The following ATXN10 variants were observed in gnomAD, a reference collection of about 807,000 sequenced individuals.
ATXN10 encodes the protein ataxin 10.
A neutral mutation model predicts 52.9 loss-of-function variants in ATXN10; 28 were observed. That is an observed-to-expected ratio of 0.53 (90% CI 0.39 to 0.73). The LOEUF (loss-of-function observed/expected upper bound fraction) is 0.73. ATXN10 is among the 30% of genes least tolerant of loss of function. ATXN10 has a pLI of 0.00. For missense variants in ATXN10, 565 were observed against 577.0 expected (o/e 0.98, Z 0.21); for synonymous variants, 226 against 221.5 (o/e 1.02, Z -0.18).
rs1405105617 is a variant in ATXN10 at position 45,835,660 on chromosome 22, A to G, written c.1238-7331A>G. On this transcript the variant is annotated intron_variant, in intron 10 of 11. Coordinates refer to ENST00000252934, the MANE Select transcript of ATXN10 (RefSeq NM_013236.4). The surrounding 1 kb of genome is among the most constrained non-coding windows in gnomAD (Gnocchi z 5.0). ...CTATGTACCACTTCCCTTACGGCCT[A>G]GAAGCCGATTAGCAGCCTCAGCTTT... is the stretch of plus-strand genomic sequence containing the variant. 6.6e-6 allele frequency among the ~76,000 whole-genome samples: 1 copy of G among 152,256 alleles called. No individual in the cohort carries two copies. Among genetic ancestry groups the G allele is most frequent in the Admixed American group, 6.5e-5 (1 of 15,290 alleles).
At position 45,743,091 on chromosome 22, in the gene ATXN10, G is replaced by A. The variant is rs2146806203; in HGVS notation, c.1173+2553G>A. Reference sequence around the variant, plus strand: ...ATAAGTAAATATGGAGTGTGCCCAAGTGCTGCTGTGCAGAGGTCACTGGGG... The same window carrying A: ...ATAAGTAAATATGGAGTGTGCCCAAATGCTGCTGTGCAGAGGTCACTGGGG... On this transcript the variant is annotated intron_variant, in intron 9 of 11. Transcript: ENST00000252934. Among the ~76,000 whole-genome samples, 2 of 152,360 alleles carry A rather than the reference G, an allele frequency of 1.3e-5. 1 individual carries two copies. The highest frequency in any genetic ancestry group is 4.1e-4 in the South Asian group (2 of 4,830).
At chr22:45,800,479 C>T (rs1927895386) in intron 9 of ATXN10, among the ~76,000 whole-genome samples, 2 of 151,476 alleles carry the variant, frequency 1.3e-5, no homozygotes, top group South Asian at 2.1e-4. Flanking sequence ...AGAGTAACTC[C>T]AATACATTGT....
rs766581509 is a variant in ATXN10, at chr22:45,677,614, T to G, written c.116+5435T>G. The G allele has an allele frequency of 1.1e-3, 161 of 151,920 alleles. No individual in the cohort carries two copies. The highest frequency in any genetic ancestry group is 2.0e-3 in the Non-Finnish European group (137 of 67,962). The allele number at this position is 151,920 out of a possible 1,614,324, so 9.4% of individuals were successfully genotyped here. A position where few individuals can be genotyped will look rare whatever the true frequency, so the allele number is the denominator to read the frequency against. On this transcript the variant is annotated intron_variant, in intron 1 of 11. Coordinates refer to ENST00000252934, the MANE Select transcript of ATXN10 (RefSeq NM_013236.4). This position sits in a 1 kb window ranked among gnomAD's most constrained non-coding sequence, Gnocchi z 4.1. ...TCAGAATATATGAAGTACTCCTACC[T>G]ACAACTCAATAAAAAAGACTCCTAC...
intron 9 of ATXN10, among the ~76,000 whole-genome samples, chr22:45,779,868 G>A (rs1927085405): frequency 6.6e-6 from 1 of 151,886 alleles, no homozygotes; most frequent in South Asian, 2.1e-4. Context: ...CATTCTTCTG[G>A]GGCTTTCATT....
chr22:45,839,489 C>T (rs1569084862), intron 10 of ATXN10, among the ~76,000 whole-genome samples: 1 of 152,222 alleles, frequency 6.6e-6, no homozygotes, highest in Non-Finnish European at 1.5e-5. Flanking sequence ...AGACACCTGG[C>T]AGCCCTTCAT....
intron 9 of ATXN10, among the ~76,000 whole-genome samples, chr22:45,791,136 A>G (rs1927494752): frequency 6.6e-6 from 1 of 152,140 alleles, no homozygotes; most frequent in Non-Finnish European, 1.5e-5. Context: ...TCTTACTCCA[A>G]AAAACATTAC....
intron 5 of ATXN10, among the ~76,000 whole-genome samples, chr22:45,716,099 AAAAAAT>A (rs1452299651): frequency 6.6e-6 from 1 of 152,084 alleles, no homozygotes; most frequent in East Asian, 1.9e-4. Flanking sequence ...GTCTCTGCCA[AAAAAAT>A]AAAAATAAAA....
intron 7 of ATXN10, among the ~76,000 whole-genome samples, chr22:45,737,891 CG>C (rs1925362249): frequency 6.6e-6 from 1 of 151,670 alleles, no homozygotes; most frequent in Non-Finnish European, 1.5e-5. Context: ...TTACTAGAGA[CG>C]GGATTTCACC....
chr22:45,742,809 C>T (rs1186515872), intron 9 of ATXN10, among the ~76,000 whole-genome samples: 7 of 146,562 alleles, frequency 4.8e-5, no homozygotes, highest in Non-Finnish European at 6.0e-5. Context: ...CAATCCTCAT[C>T]TTCAGGAGAG....
chr22:45,795,299 A>T lies in ATXN10; in HGVS notation c.1174-11660A>T, dbSNP rs917838313. ...CAGAATGATAAACTCAATCATGTTG[A>T]TAAATATATTAAATGTAAATGGCTT... On this transcript the variant is annotated intron_variant, in intron 9 of 11. Coordinates refer to ENST00000252934, the MANE Select transcript of ATXN10 (RefSeq NM_013236.4). This position sits in a 1 kb window ranked among gnomAD's most constrained non-coding sequence, Gnocchi z 4.6. Among the ~76,000 whole-genome samples, 3 of 152,234 alleles carry T rather than the reference A, an allele frequency of 2.0e-5. No individual in the cohort carries two copies. Among genetic ancestry groups the T allele is most frequent in the Admixed American group, 1.3e-4 (2 of 15,284 alleles).
In ATXN10 at chr22:45,820,638, G is replaced by A. The variant is rs554450979; in HGVS notation, c.1237+13616G>A. Among the ~76,000 whole-genome samples, 1 of 152,272 alleles carries A rather than the reference G, an allele frequency of 6.6e-6. No homozygotes were observed. The highest frequency in any genetic ancestry group is 2.4e-5 in the African/African-American group (1 of 41,562). On this transcript the variant is annotated intron_variant, in intron 10 of 11. Coordinates refer to ENST00000252934, the MANE Select transcript of ATXN10 (RefSeq NM_013236.4). The surrounding 1 kb of genome is among the most constrained non-coding windows in gnomAD (Gnocchi z 4.9). ...ATAAAAATAAAGCTAACTTTTAGAT[G>A]TGCTCACCTTTTCAACTCTTACCAT...
intron 9 of ATXN10, among the ~76,000 whole-genome samples, chr22:45,761,327 A>T (rs1310254754): frequency 6.6e-6 from 1 of 152,184 alleles, no homozygotes; most frequent in Non-Finnish European, 1.5e-5. Context: ...CAAGCCTAGC[A>T]TGTAAGCTCC....
rs1187536588 is a variant in ATXN10, at chr22:45,818,271, G to T, written c.1237+11249G>T. On this transcript the variant is annotated intron_variant, in intron 10 of 11. Coordinates refer to ENST00000252934, the MANE Select transcript of ATXN10 (RefSeq NM_013236.4). This position sits in a 1 kb window ranked among gnomAD's most constrained non-coding sequence, Gnocchi z 4.6. Reference sequence around the variant, plus strand: ...GCAGACAGCCTGGCTTCTTTCCAGGGCATTAACAGTTATGCACTTGTGTGT... The same window carrying T: ...GCAGACAGCCTGGCTTCTTTCCAGGTCATTAACAGTTATGCACTTGTGTGT... 1.3e-5 allele frequency among the ~76,000 whole-genome samples: 2 copies of T among 152,164 alleles called. No homozygotes were observed. The highest frequency in any genetic ancestry group is 2.9e-5 in the Non-Finnish European group (2 of 68,040).
intron 9 of ATXN10, among the ~76,000 whole-genome samples, chr22:45,798,077 CA>C (rs1927807531): frequency 6.6e-6 from 1 of 152,176 alleles, no homozygotes; most frequent in African/African-American, 2.4e-5. Flanking sequence ...ATAGTTTCAG[CA>C]GTGAATTCTG....
chr22:45,738,252 C>T (rs1336286701), intron 7 of ATXN10, among the ~76,000 whole-genome samples: 1 of 152,140 alleles, frequency 6.6e-6, no homozygotes, highest in Non-Finnish European at 1.5e-5. Context: ...TATGCAAGTT[C>T]TTAAAGCCAG....
At chr22:45,740,712 AC>A in intron 9 of ATXN10, 174 bp downstream of exon 9, 1 of 414,740 alleles carries the variant, frequency 2.4e-6, no homozygotes, top group Non-Finnish European at 4.3e-6. Context: ...ACACACACAC[AC>A]ACACACATAT....
rs1924949888 is a variant in ATXN10, at chr22:45,728,096, A to G, written c.729-1329A>G. 6.6e-6 allele frequency among the ~76,000 whole-genome samples: 1 copy of G among 151,942 alleles called. No homozygotes were observed. Among genetic ancestry groups the G allele is most frequent in the Admixed American group, 6.6e-5 (1 of 15,256 alleles). On this transcript the variant is annotated intron_variant, in intron 6 of 11. Transcript: ENST00000252934. The surrounding 1 kb of genome is among the most constrained non-coding windows in gnomAD (Gnocchi z 4.3). ...ATTTAGATGATTTATATTCAATGTT[A>G]ATACTGAGATGTGAGGTACTATCCC... is the stretch of plus-strand genomic sequence containing the variant.
intron 9 of ATXN10, among the ~76,000 whole-genome samples, chr22:45,797,138 G>A (rs1010742585): frequency 1.3e-5 from 2 of 152,192 alleles, no homozygotes; most frequent in African/African-American, 4.8e-5. Context: ...GGAGATATCA[G>A]CGTTCTTATC....
In ATXN10 at chr22:45,744,690, G is replaced by C. The variant is rs1281619715; in HGVS notation, c.1173+4152G>C. The C allele has an allele frequency of 2.0e-5, 3 of 152,258 alleles. No homozygotes were observed. Among genetic ancestry groups the C allele is most frequent in the Non-Finnish European group, 2.9e-5 (2 of 68,098 alleles). The allele number at this position is 152,258 out of a possible 1,614,324, so 9.4% of individuals were successfully genotyped here. ...GGAACAGGGGGGTGATGTGTCCTCTGGGCTGGCTGTGCCAGGAGCATTTCT... is the reference window on the plus strand; with the variant it reads ...GGAACAGGGGGGTGATGTGTCCTCTCGGCTGGCTGTGCCAGGAGCATTTCT... On this transcript the variant is annotated intron_variant, in intron 9 of 11. Transcript: ENST00000252934. The surrounding 1 kb of genome is among the most constrained non-coding windows in gnomAD (Gnocchi z 4.9).
Sources: gnomAD v4.1 joint callset for allele counts (sites outside exome capture counted in the v4.1 genomes callset) on GRCh38, gnomAD v4.1.1 for gene constraint, Gnocchi (gnomAD v3.1) non-coding constraint, MANE v1.5 for transcripts, NCBI Gene and HGNC (gene_info 2026-07-23, HGNC 2026-07-21) for gene names.